Variants in SH3GL2 observed in about 807,000 individuals in gnomAD.
The protein encoded by SH3GL2 is SH3 domain containing GRB2 like 2, endophilin A1, also known as endophilin-A1.
Under a neutral mutation model 46.0 loss-of-function variants are expected in SH3GL2, and 24 were observed. The observed-to-expected ratio is 0.52, with a 90% CI of 0.38 to 0.73. The LOEUF is 0.73. SH3GL2 is among the 30% of genes least tolerant of loss of function. The probability of loss-of-function intolerance (pLI) is 0.00; values close to 1 mark genes in which losing one functional copy is unlikely to be tolerated. For missense variants in SH3GL2, 413 were observed against 424.2 expected (o/e 0.97, Z 0.23); for synonymous variants, 196 against 147.1 (o/e 1.33, Z -2.40).
chr9:17,579,701 T>C lies in SH3GL2; in HGVS notation c.45+414T>C, dbSNP rs567163701. 1.4e-4 allele frequency among the ~76,000 whole-genome samples: 22 copies of C among 152,158 alleles called. No homozygotes were observed. In the East Asian group the frequency reaches 3.3e-3, roughly 23 times the overall value. On this transcript the variant is annotated intron_variant, in intron 1 of 8. Transcript: ENST00000380607. ...GTCGGTGCACCCGGCTTTCCCGGGA[T>C]GTGTTGGCATGAGCGGTGGCCGCAC... is the stretch of plus-strand genomic sequence containing the variant.
At chr9:17,787,607 G>C in intron 5 of SH3GL2, 94 bp downstream of exon 5, 1 of 1,008,346 alleles carries the variant, frequency 9.9e-7, no homozygotes, top group East Asian at 2.4e-5. Flanking sequence ...AGCTTACCCT[G>C]TGTGTTGTCA....
chr9:17,790,510 C>T, intron 6 of SH3GL2: 2 of 570,858 alleles, frequency 3.5e-6, no homozygotes, highest in Non-Finnish European at 4.4e-6. Context: ...CACCTAACTC[C>T]TCGAGAGGAA....
At chr9:17,696,574 G>C (rs913382028) in intron 1 of SH3GL2, among the ~76,000 whole-genome samples, 3 of 152,132 alleles carry the variant, frequency 2.0e-5, no homozygotes, top group Non-Finnish European at 2.9e-5. Context: ...TCTTCACAGG[G>C]CGGTAGGAAG....
chr9:17,755,033 G>A (rs1822948207), intron 2 of SH3GL2, among the ~76,000 whole-genome samples: 2 of 152,300 alleles, frequency 1.3e-5, no homozygotes, highest in African/African-American at 2.4e-5. Flanking sequence ...TTAAATAGGA[G>A]GGGTGAGAGA....
chr9:17,650,520 T>G (rs1038359114), intron 1 of SH3GL2, among the ~76,000 whole-genome samples: 1 of 151,934 alleles, frequency 6.6e-6, no homozygotes, highest in Non-Finnish European at 1.5e-5. Flanking sequence ...TACAGGCGTG[T>G]GCCACCACGC....
At chr9:17,680,246 A>G (rs886407208) in intron 1 of SH3GL2, among the ~76,000 whole-genome samples, 2 of 152,076 alleles carry the variant, frequency 1.3e-5, no homozygotes, top group East Asian at 1.9e-4. Flanking sequence ...TCGGCTGTGA[A>G]TCTGTCTGGT....
intron 1 of SH3GL2, among the ~76,000 whole-genome samples, chr9:17,623,750 A>G (rs1819212858): frequency 6.6e-6 from 1 of 150,656 alleles, no homozygotes; most frequent in Non-Finnish European, 1.5e-5. Flanking sequence ...CCCACCATAT[A>G]TTTTTCTGAA....
chr9:17,746,274 C>T (rs1450486014), intron 1 of SH3GL2, among the ~76,000 whole-genome samples: 2 of 152,110 alleles, frequency 1.3e-5, no homozygotes, highest in African/African-American at 4.8e-5. Context: ...GACGGGGTTT[C>T]ACCGTGTTAG....
intron 1 of SH3GL2, among the ~76,000 whole-genome samples, chr9:17,729,155 T>C (rs10122072): frequency 0.29 from 44,164 of 152,014 alleles, 7,683 homozygotes; most frequent in African/African-American, 0.47. Flanking sequence ...TAATGATCAT[T>C]ATTGTAACTG....
At chr9:17,697,632 A>T (rs1188679431) in intron 1 of SH3GL2, among the ~76,000 whole-genome samples, 1 of 152,186 alleles carries the variant, frequency 6.6e-6, no homozygotes, top group Non-Finnish European at 1.5e-5. Context: ...TGTCTTAATA[A>T]TTCCTCTATT....
At chr9:17,759,234 C>G (rs1261389149) in intron 2 of SH3GL2, among the ~76,000 whole-genome samples, 1 of 152,110 alleles carries the variant, frequency 6.6e-6, no homozygotes, top group African/African-American at 2.4e-5. Context: ...CATTGCAGAG[C>G]CTCCCTTCCA....
At chr9:17,622,446 A>G (rs1281869217) in intron 1 of SH3GL2, among the ~76,000 whole-genome samples, 1 of 152,210 alleles carries the variant, frequency 6.6e-6, no homozygotes, top group East Asian at 1.9e-4. Context: ...AAATGCTTCC[A>G]TAGTAAATAA....
At chr9:17,610,247 C>T (rs551255326) in intron 1 of SH3GL2, among the ~76,000 whole-genome samples, 1 of 152,268 alleles carries the variant, frequency 6.6e-6, no homozygotes, top group South Asian at 2.1e-4. Context: ...CTTTCTTTTC[C>T]TCATTTTAAT....
chr9:17,665,761 C>G (rs149383626), intron 1 of SH3GL2, among the ~76,000 whole-genome samples: 16 of 151,634 alleles, frequency 1.1e-4, no homozygotes, highest in African/African-American at 3.9e-4. Flanking sequence ...GTGTTCAGGT[C>G]TTGGTGCTAG....
chr9:17,774,037 T>C (rs1461015651), intron 3 of SH3GL2, among the ~76,000 whole-genome samples: 1 of 152,132 alleles, frequency 6.6e-6, no homozygotes, highest in Non-Finnish European at 1.5e-5. Context: ...AATTCCTGAG[T>C]ATTTTATTCT....
intron 1 of SH3GL2, among the ~76,000 whole-genome samples, chr9:17,613,364 C>T (rs1818911965): frequency 6.6e-6 from 1 of 152,104 alleles, no homozygotes; most frequent in Admixed American, 6.5e-5. Context: ...CTATGCGTGC[C>T]TTTATAAAAT....
chr9:17,768,597 G>A (rs985184059), intron 3 of SH3GL2, among the ~76,000 whole-genome samples: 1 of 151,888 alleles, frequency 6.6e-6, no homozygotes, highest in Non-Finnish European at 1.5e-5. Context: ...TCTCCCTCTT[G>A]TTCACTCTGT....
intron 1 of SH3GL2, among the ~76,000 whole-genome samples, chr9:17,592,245 C>A (rs1263368971): frequency 6.6e-6 from 1 of 152,164 alleles, no homozygotes; most frequent in Non-Finnish European, 1.5e-5. Context: ...GCTTTTTGCT[C>A]TTCCCAGGCC....
intron 1 of SH3GL2, among the ~76,000 whole-genome samples, chr9:17,738,488 A>G (rs1254204127): frequency 5.0e-5 from 5 of 100,898 alleles, no homozygotes; most frequent in African/African-American, 1.5e-4. Flanking sequence ...ATGTATACAC[A>G]CACACATATA....
Sources: allele counts gnomAD v4.1 joint callset (sites outside exome capture counted in the v4.1 genomes callset), GRCh38; gene constraint gnomAD v4.1.1; transcripts MANE v1.5; gene names NCBI Gene and HGNC (gene_info 2026-07-23, HGNC 2026-07-21).